PLPPR5: variants seen among roughly 807,000 people sequenced by gnomAD.
PLPPR5 encodes the protein phospholipid phosphatase-related protein type 5.
Under a neutral mutation model 33.9 loss-of-function variants are expected in PLPPR5, and 16 were observed. That is an observed-to-expected ratio of 0.47 (90% CI 0.32 to 0.72). The LOEUF (loss-of-function observed/expected upper bound fraction) is 0.72, where lower values mean the gene tolerates loss of function less well. Among genes scored for constraint, PLPPR5 ranks in the 30% least tolerant of loss-of-function variants. The probability of loss-of-function intolerance (pLI) is 0.03; values close to 1 mark genes in which losing one functional copy is unlikely to be tolerated. For synonymous variants in PLPPR5, 163 were observed against 150.3 expected (o/e 1.08, Z -0.62); for missense variants, 301 against 406.7 (o/e 0.74, Z 2.23).
chr1:99,004,693 G>T lies in PLPPR5; in HGVS notation c.-22C>A. On this transcript the variant is annotated 5_prime_UTR_variant, in exon 1 of 6. Transcript: ENST00000263177. ...GCATGCACGCCTCCCGGGCCGGGCCGAGCCGAGCCGAGCGGGCGGTCGACG... is the reference window on the plus strand; with the variant it reads ...GCATGCACGCCTCCCGGGCCGGGCCTAGCCGAGCCGAGCGGGCGGTCGACG... The T allele has an allele frequency of 1.4e-6, 2 of 1,476,318 alleles. No homozygotes were observed. Among genetic ancestry groups the T allele is most frequent in the Non-Finnish European group, 9.1e-7 (1 of 1,104,662 alleles). The allele number at this position is 1,476,318 out of a possible 1,614,324, so 91.5% of individuals were successfully genotyped here.
chr1:98,984,216 C>T (rs1374266198), intron 1 of PLPPR5, among the ~76,000 whole-genome samples: 1 of 151,964 alleles, frequency 6.6e-6, no homozygotes, highest in Admixed American at 6.6e-5. Flanking sequence ...GCAGTGCCCG[C>T]CAGCATCAAG....
intron 1 of PLPPR5, among the ~76,000 whole-genome samples, chr1:98,961,313 T>C (rs1427334861): frequency 6.6e-6 from 1 of 152,164 alleles, no homozygotes; most frequent in East Asian, 1.9e-4. Flanking sequence ...TAGATAAATA[T>C]ACAGAATTCA....
chr1:98,941,136 C>T (rs1356637246), intron 3 of PLPPR5, among the ~76,000 whole-genome samples: 2 of 151,840 alleles, frequency 1.3e-5, no homozygotes, highest in East Asian at 3.9e-4. Flanking sequence ...GAAGGGATAA[C>T]AGAGGGAAGA....
upstream of PLPPR5, chr1:99,004,906 CG>C: frequency 5.2e-6 from 1 of 191,374 alleles, no homozygotes; most frequent in Non-Finnish European, 1.1e-5. Context: ...CTCCCCTGCC[CG>C]CCCCCTGCCC....
At chr1:98,971,870 G>GT (rs2100744075) in intron 1 of PLPPR5, among the ~76,000 whole-genome samples, 1 of 152,154 alleles carries the variant, frequency 6.6e-6, no homozygotes, top group East Asian at 1.9e-4. Flanking sequence ...ATATTTTCAT[G>GT]TTAAGAGTTC....
intron 1 of PLPPR5, among the ~76,000 whole-genome samples, chr1:98,961,956 T>A (rs1463720010): frequency 6.6e-6 from 1 of 152,184 alleles, no homozygotes; most frequent in African/African-American, 2.4e-5. Flanking sequence ...CAGGTCTCCA[T>A]CCACCTATTA....
Position 98,893,117 on chromosome 1 carries a change from A to G in PLPPR5, c.934-13T>C, listed in dbSNP as rs200245248. 35 of 1,610,316 alleles carry G rather than the reference A, an allele frequency of 2.2e-5. No homozygotes were observed. Among genetic ancestry groups the G allele is most frequent in the Admixed American group, 8.4e-5 (5 of 59,590 alleles). ...CAGTGATGTGGTTCTGCAAAAAGAA[A>G]AAGGAATGACAAAGTGAGAGGCTTG... On this transcript the variant is annotated splice_polypyrimidine_tract_variant and intron_variant, in intron 5 of 5. Transcript: ENST00000263177.
intron 5 of PLPPR5, among the ~76,000 whole-genome samples, chr1:98,913,566 A>C (rs1649233280): frequency 6.6e-6 from 1 of 152,200 alleles, no homozygotes. Context: ...TGAAGTTTTT[A>C]AAAAATCCAA....
chr1:98,914,442 G>A lies in PLPPR5; in HGVS notation c.933+344C>T, dbSNP rs139568341. Among the ~76,000 whole-genome samples, 1,075 of 152,050 alleles carry A rather than the reference G, an allele frequency of 7.1e-3. 12 individuals carry two copies. The highest frequency in any genetic ancestry group is 0.012 in the Non-Finnish European group (831 of 67,978). Reference sequence around the variant, plus strand: ...TGGGACTACAGGTGCATGCCACCACGTCCAGCTAATTTTTGTATTTTTTTG... The same window carrying A: ...TGGGACTACAGGTGCATGCCACCACATCCAGCTAATTTTTGTATTTTTTTG... On this transcript the variant is annotated intron_variant, in intron 5 of 5. Coordinates refer to ENST00000263177, the MANE Select transcript of PLPPR5 (RefSeq NM_001037317.2).
At chr1:98,893,249 G>T in intron 5 of PLPPR5, 145 bp from the exon 6 acceptor site, 4 of 616,736 alleles carry the variant, frequency 6.5e-6, no homozygotes, top group Non-Finnish European at 7.9e-6. Flanking sequence ...TAAGTTTTAT[G>T]TATTATTACA....
intron 1 of PLPPR5, among the ~76,000 whole-genome samples, chr1:98,970,630 A>G (rs995363500): frequency 6.6e-6 from 1 of 151,892 alleles, no homozygotes; most frequent in African/African-American, 2.4e-5. Context: ...ACATATATTA[A>G]CTTGACTTGG....
At chr1:98,996,412 C>CA (rs34295298) in intron 1 of PLPPR5, among the ~76,000 whole-genome samples, 19 of 148,574 alleles carry the variant, frequency 1.3e-4, no homozygotes, top group East Asian at 3.9e-4. Flanking sequence ...TTTTTGCCAC[C>CA]AAAAAAAAAT....
At chr1:98,969,920 A>C (rs1455463938) in intron 1 of PLPPR5, among the ~76,000 whole-genome samples, 2 of 152,040 alleles carry the variant, frequency 1.3e-5, no homozygotes, top group Non-Finnish European at 2.9e-5. Flanking sequence ...TCTCCTTTTC[A>C]AGAAAATAGG....
rs1481356602 is a variant in PLPPR5, at chr1:98,921,915, G to A, written c.765C>T (p.Gly255=). The A allele has an allele frequency of 6.2e-7, 1 of 1,613,468 alleles. No individual in the cohort carries two copies. Among genetic ancestry groups the A allele is most frequent in the Non-Finnish European group, 8.5e-7 (1 of 1,179,816 alleles). Residue 255 remains glycine (G), a synonymous_variant, in exon 4 of 6, where the codon GGC becomes GGT. Coordinates refer to ENST00000263177, the MANE Select transcript of PLPPR5 (RefSeq NM_001037317.2). ...CTGCTATAGATATTCCAACCAGAAAGCCTGCTATAACATCTGACCAATGAT... is the reference window on the plus strand; with the variant it reads ...CTGCTATAGATATTCCAACCAGAAAACCTGCTATAACATCTGACCAATGAT... ...YRNHWSDVIA[G]FLVGISIAVF... is the part of the protein sequence containing the mutation.
chr1:98,912,387 G>T (rs1160486733), intron 5 of PLPPR5, among the ~76,000 whole-genome samples: 1 of 152,154 alleles, frequency 6.6e-6, no homozygotes, highest in Non-Finnish European at 1.5e-5. Flanking sequence ...CATCTAGGCT[G>T]GGTGAAATCT....
chr1:98,951,721 G>C (rs763006366), intron 3 of PLPPR5, among the ~76,000 whole-genome samples: 13 of 152,168 alleles, frequency 8.5e-5, no homozygotes, highest in Non-Finnish European at 1.5e-4. Context: ...ATCTCAAGTA[G>C]AGATGTCACA....
intron 3 of PLPPR5, among the ~76,000 whole-genome samples, chr1:98,949,464 T>C (rs969568202): frequency 6.6e-6 from 1 of 152,200 alleles, no homozygotes; most frequent in Non-Finnish European, 1.5e-5. Context: ...ACAGGGCTCA[T>C]TGATTTTTAT....
At chr1:98,964,981 T>TC (rs1651380189) in intron 1 of PLPPR5, among the ~76,000 whole-genome samples, 1 of 150,704 alleles carries the variant, frequency 6.6e-6, no homozygotes, top group Non-Finnish European at 1.5e-5. Context: ...TGATTTTTTT[T>TC]TTTTTTTTTT....
At chr1:98,933,621 G>A (rs571887870) in intron 3 of PLPPR5, among the ~76,000 whole-genome samples, 3 of 152,146 alleles carry the variant, frequency 2.0e-5, no homozygotes, top group Non-Finnish European at 2.9e-5. Flanking sequence ...ACCAAAGCTG[G>A]TGCTGTAACT....
Sources: allele counts gnomAD v4.1 joint callset (sites outside exome capture counted in the v4.1 genomes callset), GRCh38; gene constraint gnomAD v4.1.1; transcripts MANE v1.5; gene names NCBI Gene and HGNC (gene_info 2026-07-23, HGNC 2026-07-21).